HHIPL2: variants seen among roughly 807,000 people sequenced by gnomAD.
The protein encoded by HHIPL2 is HHIP-like protein 2.
Under a neutral mutation model 61.0 loss-of-function variants are expected in HHIPL2, and 61 were observed. That is an observed-to-expected ratio of 1.00 (90% confidence interval 0.81 to 1.24). The LOEUF (loss-of-function observed/expected upper bound fraction) is 1.24. Among genes scored for constraint, HHIPL2 ranks in the 50% most tolerant of loss-of-function variants. The pLI is 0.00. For synonymous variants in HHIPL2, 343 were observed against 357.4 expected (o/e 0.96, Z 0.45); for missense variants, 885 against 910.2 (o/e 0.97, Z 0.36).
chr1:222,547,841 G>C lies in HHIPL2; in HGVS notation c.204C>G (p.Gly68=), dbSNP rs1659588086. ...GGCGGTCCTTGTGCTGATCACAGCA[G>C]CCGAAGGACTCATAGTCAGAGCAAA... is the stretch of plus-strand genomic sequence containing the variant. The part of the protein sequence containing the change: ...LEFCSDYESF[G]CCDQHKDRRI... Residue 68 remains glycine (G), a synonymous_variant, in exon 1 of 9, where the codon GGC becomes GGG. Coordinates refer to ENST00000343410, the MANE Select transcript of HHIPL2 (RefSeq NM_024746.4). 1 of 1,614,078 alleles carries C rather than the reference G, an allele frequency of 6.2e-7. No homozygotes were observed. Among genetic ancestry groups the C allele is most frequent in the African/African-American group, 1.3e-5 (1 of 74,928 alleles).
intron 6 of HHIPL2, among the ~76,000 whole-genome samples, chr1:222,530,351 T>C (rs192626102): frequency 6.6e-6 from 1 of 152,134 alleles, no homozygotes; most frequent in Non-Finnish European, 1.5e-5. Context: ...CACAGGGGTG[T>C]CCGGCAGAGG....
Position 222,547,775 on chromosome 1 carries a change from A to G in HHIPL2, c.270T>C (p.Asp90=). The part of the protein sequence containing the change: ...ARYWDIMEYF[D]LKRHELCGDY... ...CTCCACACAGCTCATGTCTCTTCAG[A>G]TCAAAATATTCCATGATGTCCCAGT... Residue 90 remains aspartate, a synonymous_variant, in exon 1 of 9, where the codon GAT becomes GAC. Transcript: ENST00000343410. 6.2e-7 allele frequency: 1 copy of G among 1,614,156 alleles called. No individual in the cohort carries two copies. The highest frequency in any genetic ancestry group is 8.5e-7 in the Non-Finnish European group (1 of 1,180,032).
chr1:222,537,290 T>C (rs1406883123), intron 5 of HHIPL2, among the ~76,000 whole-genome samples: 1 of 151,424 alleles, frequency 6.6e-6, no homozygotes, highest in African/African-American at 2.4e-5. Context: ...AAAGGGTGTA[T>C]AGAAATCACC....
chr1:222,537,097 T>C (rs974475566), intron 5 of HHIPL2, among the ~76,000 whole-genome samples: 8 of 152,188 alleles, frequency 5.3e-5, no homozygotes, highest in African/African-American at 1.9e-4. Context: ...TTCCTCAGAA[T>C]GCAAGACTGC....
chr1:222,541,993 C>G lies in HHIPL2; in HGVS notation c.1118+19G>C, dbSNP rs202089737. 3.8e-4 allele frequency: 598 copies of G among 1,591,984 alleles called. No homozygotes were observed. Among genetic ancestry groups the G allele is most frequent in the Middle Eastern group, 2.2e-3 (13 of 5,954 alleles). ...GGCTCACTCTGAAGGGACAAGGGCC[C>G]GGCCCCCATCCAGCTTACTTGTTCT... On this transcript the variant is annotated intron_variant, in intron 3 of 8. Transcript: ENST00000343410.
intron 1 of HHIPL2, among the ~76,000 whole-genome samples, chr1:222,546,106 T>G (rs1173458026): frequency 1.4e-5 from 2 of 142,702 alleles, no homozygotes; most frequent in South Asian, 2.3e-4. Context: ...TGAGTCTGTC[T>G]TACGTGCCAG....
intron 6 of HHIPL2, among the ~76,000 whole-genome samples, chr1:222,529,982 T>C (rs1353726200): frequency 2.0e-5 from 3 of 152,108 alleles, no homozygotes; most frequent in African/African-American, 7.2e-5. Flanking sequence ...GCAGAAAATA[T>C]GAATCAGTTT....
chr1:222,525,538 C>T (rs960967562), intron 7 of HHIPL2, among the ~76,000 whole-genome samples: 4 of 152,180 alleles, frequency 2.6e-5, no homozygotes, highest in Non-Finnish European at 4.4e-5. Context: ...AGAGCTGGCC[C>T]CCCCAAGCCC....
In HHIPL2 at chr1:222,547,798, A is replaced by G. The variant is rs559495043; in HGVS notation, c.247T>C (p.Trp83Arg). 2 of 1,614,194 alleles carry G rather than the reference A, an allele frequency of 1.2e-6. No individual in the cohort carries two copies. Among genetic ancestry groups the G allele is most frequent in the East Asian group, 2.2e-5 (1 of 44,862 alleles). Residue 83 changes from tryptophan (W) to arginine (R), a missense_variant, in exon 1 of 9, where the codon TGG becomes CGG. By Grantham distance (101) the Trp-to-Arg change is moderately radical (BLOSUM62 -3). Transcript: ENST00000343410. The stretch of plus-strand genomic sequence containing the variant: ...AGATCAAAATATTCCATGATGTCCC[A>G]GTACCGGGCAGCGATGCGGCGGTCC... ...HKDRRIAARYWDIMEYFDLKR... is the reference protein window; with the variant it reads ...HKDRRIAARYRDIMEYFDLKR...
intron 6 of HHIPL2, among the ~76,000 whole-genome samples, chr1:222,530,206 G>A (rs912874972): frequency 1.6e-4 from 24 of 151,958 alleles, no homozygotes; most frequent in African/African-American, 5.1e-4. Flanking sequence ...TGAGAAGTCT[G>A]CAAGCACAAC....
At chr1:222,533,744 CA>C (rs1475651947) in intron 5 of HHIPL2, among the ~76,000 whole-genome samples, 1 of 152,182 alleles carries the variant, frequency 6.6e-6, no homozygotes, top group East Asian at 1.9e-4. Context: ...ATGATTTTTC[CA>C]GCATACTACC....
intron 5 of HHIPL2, among the ~76,000 whole-genome samples, chr1:222,533,140 G>A (rs536265033): frequency 1.3e-3 from 195 of 152,240 alleles, no homozygotes; most frequent in Admixed American, 2.3e-3. Context: ...TGAGGCGGGT[G>A]GATCACCTGA....
intron 6 of HHIPL2, among the ~76,000 whole-genome samples, chr1:222,528,123 G>A (rs1299027719): frequency 6.6e-6 from 1 of 152,150 alleles, no homozygotes; most frequent in Admixed American, 6.5e-5. Flanking sequence ...ATTTGTGAGG[G>A]ACATTATGCT....
rs1659497647 is a variant in HHIPL2, at chr1:222,543,950, G to A, written c.561C>T (p.Asn187=). The A allele has an allele frequency of 1.2e-6, 2 of 1,614,204 alleles. No individual in the cohort carries two copies. The highest frequency in any genetic ancestry group is 8.5e-7 in the Non-Finnish European group (1 of 1,180,038). ...TGCCCAGGTGGCGGTTGAGATAGTCGTTCCTCAGGACATTAGGGAAGCAAT... is the reference window on the plus strand; with the variant it reads ...TGCCCAGGTGGCGGTTGAGATAGTCATTCCTCAGGACATTAGGGAAGCAAT... ...KDYCFPNVLR[N]DYLNRHLGMV... Residue 187 remains asparagine, a synonymous_variant, in exon 2 of 9, where the codon AAC becomes AAT. Coordinates refer to ENST00000343410, the MANE Select transcript of HHIPL2 (RefSeq NM_024746.4).
intron 1 of HHIPL2, among the ~76,000 whole-genome samples, chr1:222,545,551 G>GA (rs1032911590): frequency 6.6e-6 from 1 of 152,076 alleles, no homozygotes; most frequent in Admixed American, 6.6e-5. Context: ...CGGAGACTGG[G>GA]AAAAAGGGAG....
chr1:222,542,698 T>G (rs538456286), intron 2 of HHIPL2, among the ~76,000 whole-genome samples: 5 of 151,848 alleles, frequency 3.3e-5, no homozygotes, highest in African/African-American at 9.7e-5. Context: ...GCCTGGCTAA[T>G]TTTTGATAGA....
At chr1:222,541,356 T>C (rs1659429155) in intron 3 of HHIPL2, among the ~76,000 whole-genome samples, 1 of 152,160 alleles carries the variant, frequency 6.6e-6, no homozygotes, top group African/African-American at 2.4e-5. Context: ...TGGGATTCTG[T>C]TTTTTCCACT....
intron 6 of HHIPL2, among the ~76,000 whole-genome samples, chr1:222,528,910 T>C (rs1659129808): frequency 6.8e-6 from 1 of 147,644 alleles, no homozygotes. Context: ...AGCCTCAACC[T>C]CCTGGGCTCA....
intron 5 of HHIPL2, 72 bp downstream of exon 5, chr1:222,538,576 C>A: frequency 7.4e-7 from 1 of 1,360,448 alleles, no homozygotes; most frequent in Non-Finnish European, 1.0e-6. Context: ...TTATATTTCA[C>A]CATATGTAAG....
Sources: allele counts gnomAD v4.1 joint callset (sites outside exome capture counted in the v4.1 genomes callset), GRCh38; gene constraint gnomAD v4.1.1; transcripts MANE v1.5; gene names NCBI Gene and HGNC (gene_info 2026-07-23, HGNC 2026-07-21).